NBEA: variants seen among roughly 807,000 people sequenced by gnomAD.
The protein encoded by NBEA is neurobeachin, also known as lysosomal-trafficking regulator 2.
A neutral mutation model predicts 343.4 loss-of-function variants in NBEA; 44 were observed. The observed-to-expected ratio is 0.13, with a 90% CI of 0.10 to 0.16. The LOEUF is 0.16. Ranked by LOEUF, NBEA falls within the 10% of genes least tolerant of loss-of-function variation. The pLI, the probability that NBEA is intolerant of heterozygous loss-of-function variation, is 1.00. For missense variants in NBEA, 2,555 were observed against 3,631.3 expected (o/e 0.70, Z 7.62); for synonymous variants, 1,175 against 1,238.7 (o/e 0.95, Z 1.08).
chr13:34,981,999 A>G (rs9542865), intron 1 of NBEA, among the ~76,000 whole-genome samples: 46,483 of 151,462 alleles, frequency 0.31, 8,004 homozygotes, highest in Middle Eastern at 0.52. Context: ...GTTTATCAAC[A>G]TTATTAATAT....
chr13:35,559,166 T>G (rs556539795), intron 44 of NBEA, among the ~76,000 whole-genome samples: 3 of 152,338 alleles, frequency 2.0e-5, no homozygotes, highest in South Asian at 4.1e-4. Flanking sequence ...GCTTCAGTAA[T>G]GCCATGACTG....
At chr13:35,469,024 G>C (rs1246289886) in intron 40 of NBEA, among the ~76,000 whole-genome samples, 1 of 150,796 alleles carries the variant, frequency 6.6e-6, no homozygotes, top group Non-Finnish European at 1.5e-5. Flanking sequence ...GCTTGAGCTC[G>C]GGGGGCAGAA....
chr13:35,196,791 T>C (rs963832748), intron 31 of NBEA, among the ~76,000 whole-genome samples: 3 of 151,888 alleles, frequency 2.0e-5, no homozygotes, highest in Non-Finnish European at 4.4e-5. Context: ...AATTTTAAAA[T>C]TGTTTGTGGT....
chr13:34,962,178 A>G (rs2059681564), intron 1 of NBEA, among the ~76,000 whole-genome samples: 1 of 151,972 alleles, frequency 6.6e-6, no homozygotes, highest in African/African-American at 2.4e-5. Context: ...AGATTTCTGA[A>G]ATTTTTAAGA....
chr13:35,342,813 C>T (rs2039659993), intron 36 of NBEA, among the ~76,000 whole-genome samples: 1 of 151,836 alleles, frequency 6.6e-6, no homozygotes, highest in South Asian at 2.1e-4. Flanking sequence ...GGAATTAAAA[C>T]TAAAGTTTCT....
At chr13:34,954,580 G>A (rs1389258008) in intron 1 of NBEA, among the ~76,000 whole-genome samples, 1 of 152,060 alleles carries the variant, frequency 6.6e-6, no homozygotes, top group Non-Finnish European at 1.5e-5. Flanking sequence ...GGGGATGATT[G>A]GTGTACCTAC....
chr13:35,471,824 A>G (rs1004251852), intron 40 of NBEA, among the ~76,000 whole-genome samples: 2 of 152,180 alleles, frequency 1.3e-5, no homozygotes, highest in African/African-American at 4.8e-5. Flanking sequence ...ACTTTATGTA[A>G]TGTCCGTATG....
At chr13:35,366,584 C>A (rs2041128625) in intron 38 of NBEA, among the ~76,000 whole-genome samples, 1 of 150,632 alleles carries the variant, frequency 6.6e-6, no homozygotes, top group Admixed American at 6.6e-5. Context: ...TATTATATCT[C>A]CATTGTTAAT....
At chr13:35,043,531 A>C (rs1470678752) in intron 2 of NBEA, among the ~76,000 whole-genome samples, 1 of 151,842 alleles carries the variant, frequency 6.6e-6, no homozygotes, top group Non-Finnish European at 1.5e-5. Context: ...ATAGTACTTA[A>C]ATTTTTTTGT....
chr13:35,645,990 T>C, intron 50 of NBEA, 59 bp downstream of exon 50: 1 of 1,114,252 alleles, frequency 9.0e-7, no homozygotes, highest in Non-Finnish European at 1.3e-6. Context: ...CATGCATGTA[T>C]TCACAGGTTA....
At chr13:35,274,100 G>A (rs757265419) in intron 34 of NBEA, among the ~76,000 whole-genome samples, 11 of 152,056 alleles carry the variant, frequency 7.2e-5, no homozygotes, top group Non-Finnish European at 1.5e-4. Context: ...GAACATCAAC[G>A]CAAAAAATTC....
At chr13:35,021,860 T>C (rs2061854066) in intron 1 of NBEA, among the ~76,000 whole-genome samples, 1 of 152,170 alleles carries the variant, frequency 6.6e-6, no homozygotes, top group Non-Finnish European at 1.5e-5. Flanking sequence ...GATAGTTATG[T>C]TTTAAAGAGA....
At chr13:35,481,339 T>C (rs2076113629) in intron 41 of NBEA, among the ~76,000 whole-genome samples, 1 of 151,902 alleles carries the variant, frequency 6.6e-6, no homozygotes. Context: ...CCAAAACTTT[T>C]CTTTTGGTAG....
chr13:35,088,608 A>G (rs1566266651), intron 10 of NBEA, among the ~76,000 whole-genome samples: 1 of 151,972 alleles, frequency 6.6e-6, no homozygotes, highest in Non-Finnish European at 1.5e-5. Flanking sequence ...ATAACTAAGA[A>G]TTAGATATTA....
intron 11 of NBEA, among the ~76,000 whole-genome samples, chr13:35,107,105 T>G (rs2065957787): frequency 6.6e-6 from 1 of 152,104 alleles, no homozygotes; most frequent in South Asian, 2.1e-4. Flanking sequence ...ATAAGCTATG[T>G]GAAATTATAA....
chr13:35,455,893 G>A lies in NBEA; in HGVS notation c.6448+3658G>A, dbSNP rs79795747. On this transcript the variant is annotated intron_variant, in intron 40 of 58. Coordinates refer to ENST00000379939, the MANE Select transcript of NBEA (RefSeq NM_001385012.1). Reference sequence around the variant, plus strand: ...GGTTTGAACTAAAATATACCAAATAGTACATTTAAATGTGTGTATGTGAGT... The same window carrying A: ...GGTTTGAACTAAAATATACCAAATAATACATTTAAATGTGTGTATGTGAGT... Among the ~76,000 whole-genome samples the A allele has an allele frequency of 2.2e-4, 33 of 152,008 alleles. No homozygotes were observed. In the East Asian group the frequency reaches 6.2e-3, roughly 28 times the overall value.
chr13:35,172,574 A>G (rs2070553156), intron 26 of NBEA, among the ~76,000 whole-genome samples: 1 of 152,058 alleles, frequency 6.6e-6, no homozygotes. Context: ...TTTTATCCTA[A>G]TACTACTAGC....
At chr13:35,118,150 A>G in intron 14 of NBEA, 78 bp from the exon 15 acceptor site, 1 of 964,608 alleles carries the variant, frequency 1.0e-6, no homozygotes, top group Non-Finnish European at 1.5e-6. Context: ...TTTCTTTTAC[A>G]ATGATTATTT....
In NBEA at chr13:35,294,483, C is replaced by A. The variant is rs147286640; in HGVS notation, c.5838+4033C>A. Among the ~76,000 whole-genome samples, 90 of 152,012 alleles carry A rather than the reference C, an allele frequency of 5.9e-4. 1 individual carries two copies. The East Asian group carries it at 0.015, about 26-fold the overall frequency. Reference sequence around the variant, plus strand: ...AAGAAGATTTCAAATATAAGGAAACCAGGGATGGAGTAGATGTTTTTTCCC... The same window carrying A: ...AAGAAGATTTCAAATATAAGGAAACAAGGGATGGAGTAGATGTTTTTTCCC... On this transcript the variant is annotated intron_variant, in intron 35 of 58. Coordinates refer to ENST00000379939, the MANE Select transcript of NBEA (RefSeq NM_001385012.1).
Sources: gnomAD v4.1 joint callset for allele counts (sites outside exome capture counted in the v4.1 genomes callset) on GRCh38, gnomAD v4.1.1 for gene constraint, MANE v1.5 for transcripts, NCBI Gene and HGNC (gene_info 2026-07-23, HGNC 2026-07-21) for gene names.